Variants in PNPLA1 observed in about 807,000 individuals in gnomAD.
PNPLA1 encodes the protein omega-hydroxyceramide transacylase.
A neutral mutation model predicts 51.7 loss-of-function variants in PNPLA1; 36 were observed. The observed-to-expected ratio is 0.70, with a 90% CI of 0.53 to 0.92. The LOEUF is 0.92. PNPLA1 is among the 40% of genes least tolerant of loss of function. The pLI is 0.00. For missense variants in PNPLA1, 658 were observed against 682.5 expected (o/e 0.96, Z 0.40); for synonymous variants, 293 against 280.1 (o/e 1.05, Z -0.46).
At position 36,289,219 on chromosome 6, in the gene PNPLA1, G is replaced by T. The variant is rs149889326; in HGVS notation, c.206-2101G>T. 1.5e-3 allele frequency among the ~76,000 whole-genome samples: 222 copies of T among 152,286 alleles called. 6 individuals carry two copies. In the South Asian group the frequency reaches 0.035, roughly 24 times the overall value. On this transcript the variant is annotated intron_variant, in intron 1 of 8. Transcript: ENST00000636260. The stretch of plus-strand genomic sequence containing the variant: ...AAATTTCCTTGCTTCCCTCCCAGGG[G>T]TGGCTTCTGCTGGGAGATCAGGCGT...
At chr6:36,288,601 C>T (rs972790552) in intron 1 of PNPLA1, among the ~76,000 whole-genome samples, 1 of 151,710 alleles carries the variant, frequency 6.6e-6, no homozygotes, top group Non-Finnish European at 1.5e-5. Context: ...TACAGGCGCC[C>T]GCCACCGCGC....
intron 1 of PNPLA1, among the ~76,000 whole-genome samples, chr6:36,276,538 G>T (rs1209710004): frequency 6.6e-6 from 1 of 152,174 alleles, no homozygotes; most frequent in Admixed American, 6.5e-5. Context: ...GCCACTGGGG[G>T]ATCCAGAATT....
At chr6:36,243,793 G>A (rs76468593) in intron 1 of PNPLA1, among the ~76,000 whole-genome samples, 2,331 of 152,294 alleles carry the variant, frequency 0.015, 22 homozygotes, top group Non-Finnish European at 0.026. Flanking sequence ...TGGTGCCTGG[G>A]GAATTGCATG....
Position 36,307,695 on chromosome 6 carries a change from A to C in PNPLA1, c.1578A>C (p.Lys526Asn), listed in dbSNP as rs35398989. 2,999 of 1,613,996 alleles carry C rather than the reference A, an allele frequency of 1.9e-3. 56 individuals carry two copies. In the African/African-American group the frequency reaches 0.036, roughly 19 times the overall value. Residue 526 changes from lysine (K) to asparagine (N), a missense_variant, in exon 8 of 9, where the codon AAA becomes AAC. Lys to Asn is a moderately conservative substitution (Grantham distance 94, BLOSUM62 0). Transcript: ENST00000636260. Reference protein sequence around the residue: ...KGFPRHSGSKKPSSKVQSAPC... With the variant: ...KGFPRHSGSKNPSSKVQSAPC... Reference sequence around the variant, plus strand: ...TCCCAAGACATTCGGGATCCAAAAAACCAAGCAGCAAAGTGCAGTGAGCAT... The same window carrying C: ...TCCCAAGACATTCGGGATCCAAAAACCCAAGCAGCAAAGTGCAGTGAGCAT...
intron 1 of PNPLA1, among the ~76,000 whole-genome samples, chr6:36,245,158 G>A (rs1769240370): frequency 6.6e-6 from 1 of 152,168 alleles, no homozygotes; most frequent in African/African-American, 2.4e-5. Flanking sequence ...TTGAGCTCTG[G>A]CCTGTGGGTG....
chr6:36,261,621 G>A (rs1769650386), intron 1 of PNPLA1, among the ~76,000 whole-genome samples: 1 of 152,250 alleles, frequency 6.6e-6, no homozygotes, highest in Non-Finnish European at 1.5e-5. Flanking sequence ...GGGCCCAGCT[G>A]TGCTGAACTT....
At chr6:36,259,362 G>A (rs556264697) in intron 1 of PNPLA1, among the ~76,000 whole-genome samples, 115 of 152,138 alleles carry the variant, frequency 7.6e-4, no homozygotes, top group African/African-American at 2.7e-3. Context: ...CAAAACCATC[G>A]ATTATCTGCT....
chr6:36,245,776 G>A (rs1450762774), intron 1 of PNPLA1, among the ~76,000 whole-genome samples: 2 of 152,216 alleles, frequency 1.3e-5, no homozygotes, highest in African/African-American at 4.8e-5. Flanking sequence ...TTACAGGTAG[G>A]CAAACAGGGG....
chr6:36,244,156 C>T (rs771036304), intron 1 of PNPLA1, among the ~76,000 whole-genome samples: 1 of 152,154 alleles, frequency 6.6e-6, no homozygotes, highest in Non-Finnish European at 1.5e-5. Flanking sequence ...TCCTTCCTCT[C>T]TCTCTCTCTT....
At chr6:36,270,967 G>A (rs780377644) in intron 1 of PNPLA1, among the ~76,000 whole-genome samples, 12 of 152,130 alleles carry the variant, frequency 7.9e-5, no homozygotes, top group Non-Finnish European at 1.5e-4. Context: ...TATCTCCCTC[G>A]AACATCGAAC....
chr6:36,274,787 C>G (rs1206114495), intron 1 of PNPLA1, among the ~76,000 whole-genome samples: 2 of 152,202 alleles, frequency 1.3e-5, no homozygotes, highest in African/African-American at 4.8e-5. Flanking sequence ...ATCCTGACTG[C>G]TAGTGATGTT....
At chr6:36,252,151 C>A (rs1048694918) in intron 1 of PNPLA1, among the ~76,000 whole-genome samples, 1 of 152,126 alleles carries the variant, frequency 6.6e-6, no homozygotes, top group African/African-American at 2.4e-5. Context: ...GAGACTGCAT[C>A]ACTGTAGAGA....
chr6:36,282,032 A>AGAAG lies in PNPLA1; in HGVS notation c.206-9285_206-9284insGGAA, dbSNP rs1465357957. On this transcript the variant is annotated intron_variant, in intron 1 of 8. Transcript: ENST00000636260. Reference sequence around the variant, plus strand: ...AAGTGAAACTCTGTGAAAGAGAGAAAGAAAGAAAGAAGGAAAGAAAGAAAG... The same window carrying AGAAG: ...AAGTGAAACTCTGTGAAAGAGAGAAAGAAGGAAAGAAAGAAGGAAAGAAAGAAAG... Among the ~76,000 whole-genome samples the AGAAG allele has an allele frequency of 2.4e-5, 3 of 123,150 alleles. No homozygotes were observed. In the East Asian group the frequency reaches 6.7e-4, roughly 28 times the overall value. The allele number at this position is 123,150 out of a possible 152,430, so 80.8% of individuals were successfully genotyped here.
At chr6:36,253,796 G>A (rs992335227) in intron 1 of PNPLA1, among the ~76,000 whole-genome samples, 2 of 152,142 alleles carry the variant, frequency 1.3e-5, no homozygotes, top group African/African-American at 4.8e-5. Flanking sequence ...TCGATAAATA[G>A]CAAATTACCT....
intron 1 of PNPLA1, among the ~76,000 whole-genome samples, chr6:36,272,003 A>T (rs1381845545): frequency 2.0e-5 from 3 of 152,228 alleles, no homozygotes; most frequent in Non-Finnish European, 4.4e-5. Context: ...AGCGGTCTCC[A>T]GTTGACACCA....
chr6:36,302,297 G>C lies in PNPLA1; in HGVS notation c.1212G>C (p.Gln404His). Residue 404 changes from glutamine (Q) to histidine (H), a missense_variant, in exon 6 of 9, where the codon CAG becomes CAC. Transcript: ENST00000636260. Reference protein sequence around the residue: ...PGLSPLSPQQQVQPSGSPARS... With the variant: ...PGLSPLSPQQHVQPSGSPARS... ...TGTCACCTCTGTCACCTCAGCAGCA[G>C]GTACAACCGTCTGGATCACCAGCCA... is the stretch of plus-strand genomic sequence containing the variant. 1 of 1,614,122 alleles carries C rather than the reference G, an allele frequency of 6.2e-7. No individual in the cohort carries two copies. Among genetic ancestry groups the C allele is most frequent in the Non-Finnish European group, 8.5e-7 (1 of 1,180,016 alleles).
chr6:36,291,592 C>CCAGGGGGGGGGG, intron 2 of PNPLA1, 40 bp downstream of exon 2: 2 of 105,200 alleles, frequency 1.9e-5, no homozygotes, highest in Non-Finnish European at 3.9e-5. Flanking sequence ...ACGGAGGGGG[C>CCAGGGGGGGGGG]GGGGGAGGGC....
At chr6:36,275,884 T>G (rs1172210429) in intron 1 of PNPLA1, among the ~76,000 whole-genome samples, 1 of 152,214 alleles carries the variant, frequency 6.6e-6, no homozygotes, top group Non-Finnish European at 1.5e-5. Flanking sequence ...TTATTAGATT[T>G]ACTTTTCCCT....
intron 1 of PNPLA1, among the ~76,000 whole-genome samples, chr6:36,282,044 G>GAAAGAAAGAAA (rs1770301828): frequency 1.2e-4 from 4 of 34,564 alleles, no homozygotes; most frequent in African/African-American, 6.5e-4. Context: ...AAAGAAAGAA[G>GAAAGAAAGAAA]GAAAGAAAGA....
Sources: allele counts gnomAD v4.1 joint callset (sites outside exome capture counted in the v4.1 genomes callset), GRCh38; gene constraint gnomAD v4.1.1; transcripts MANE v1.5; gene names NCBI Gene and HGNC (gene_info 2026-07-23, HGNC 2026-07-21).